Variants in KLHL1 observed in about 807,000 individuals in gnomAD.
KLHL1 encodes kelch-like protein 1.
A neutral mutation model predicts 77.7 loss-of-function variants in KLHL1; 47 were observed. That is an observed-to-expected ratio of 0.60 (90% CI 0.48 to 0.77). The LOEUF (loss-of-function observed/expected upper bound fraction) is 0.77, where lower values mean the gene tolerates loss of function less well. Ranked by LOEUF, KLHL1 falls within the 30% of genes least tolerant of loss-of-function variation. The pLI, the probability that KLHL1 is intolerant of heterozygous loss-of-function variation, is 0.00. For missense variants in KLHL1, 925 were observed against 910.8 expected (o/e 1.02, Z -0.20); for synonymous variants, 360 against 325.2 (o/e 1.11, Z -1.15).
chr13:69,710,118 G>C (rs1555299674), intron 9 of KLHL1, among the ~76,000 whole-genome samples: 1 of 151,540 alleles, frequency 6.6e-6, no homozygotes, highest in Non-Finnish European at 1.5e-5. Context: ...CATGAGAACT[G>C]AGAAAACAGC....
chr13:70,105,542 A>T (rs1454149253), intron 1 of KLHL1, among the ~76,000 whole-genome samples: 2 of 151,580 alleles, frequency 1.3e-5, no homozygotes, highest in East Asian at 3.9e-4. Flanking sequence ...TAGAGTCTCA[A>T]AACTATCAGT....
At chr13:69,840,684 T>TTATATATA (rs199637580) in intron 5 of KLHL1, among the ~76,000 whole-genome samples, 20 of 145,116 alleles carry the variant, frequency 1.4e-4, no homozygotes, top group African/African-American at 4.7e-4. Flanking sequence ...AACATTAACT[T>TTATATATA]TATATATATA....
intron 4 of KLHL1, among the ~76,000 whole-genome samples, chr13:69,888,981 G>A (rs117123158): frequency 1.3e-5 from 2 of 151,748 alleles, no homozygotes; most frequent in Admixed American, 1.3e-4. Flanking sequence ...CAAATATCAA[G>A]AGTTATAAAT....
intron 7 of KLHL1, among the ~76,000 whole-genome samples, chr13:69,745,438 C>T (rs564820393): frequency 2.6e-5 from 4 of 152,034 alleles, no homozygotes; most frequent in Non-Finnish European, 5.9e-5. Flanking sequence ...TCTTTTTCCA[C>T]TGTGAGGCTT....
In KLHL1 at chr13:69,740,550, G is replaced by C; in HGVS notation, c.1646C>G (p.Thr549Arg). The C allele has an allele frequency of 6.2e-7, 1 of 1,604,944 alleles. No individual in the cohort carries two copies. Among genetic ancestry groups the C allele is most frequent in the Non-Finnish European group, 8.5e-7 (1 of 1,173,910 alleles). Residue 549 changes from threonine (T) to arginine (R), a missense_variant, in exon 8 of 11, where the codon ACA becomes AGA. By Grantham distance (71) the Thr-to-Arg change is moderately conservative. Coordinates refer to ENST00000377844, the MANE Select transcript of KLHL1 (RefSeq NM_020866.3). Reference protein sequence around the residue: ...MSTHRHGLGVTVLEGPIYAVG... With the variant: ...MSTHRHGLGVRVLEGPIYAVG... ...AGCATAAATAGGGCCTTCAAGTACT[G>C]TTACACCTAAAATATTAGATAAATG... is the stretch of plus-strand genomic sequence containing the variant.
intron 4 of KLHL1, among the ~76,000 whole-genome samples, chr13:69,883,745 A>G (rs911871328): frequency 6.6e-6 from 1 of 152,256 alleles, no homozygotes; most frequent in Admixed American, 6.5e-5. Context: ...AGGATGGTAC[A>G]GTGTTTTAAC....
chr13:70,078,307 G>T (rs1887311532), intron 1 of KLHL1, among the ~76,000 whole-genome samples: 1 of 151,854 alleles, frequency 6.6e-6, no homozygotes, highest in South Asian at 2.1e-4. Context: ...TATTAAAAAG[G>T]TCATATTAAA....
At chr13:69,981,241 T>C (rs185671184) in intron 1 of KLHL1, among the ~76,000 whole-genome samples, 118 of 152,212 alleles carry the variant, frequency 7.8e-4, no homozygotes, top group Admixed American at 7.2e-4. Context: ...ACACTAAATA[T>C]AGTAAATAAA....
chr13:69,956,006 TA>T, intron 3 of KLHL1, among the ~76,000 whole-genome samples: 1 of 117,214 alleles, frequency 8.5e-6, no homozygotes, highest in African/African-American at 3.0e-5. Context: ...GATATATATT[TA>T]TATATATTTG....
At chr13:69,787,718 A>C (rs1876633645) in intron 7 of KLHL1, among the ~76,000 whole-genome samples, 1 of 152,116 alleles carries the variant, frequency 6.6e-6, no homozygotes, top group Non-Finnish European at 1.5e-5. Context: ...TCAGAGTGAA[A>C]AGGCAACCTA....
intron 4 of KLHL1, among the ~76,000 whole-genome samples, chr13:69,913,053 TA>T (rs1330578247): frequency 6.6e-6 from 1 of 152,190 alleles, no homozygotes; most frequent in East Asian, 1.9e-4. Flanking sequence ...CTCATGGGGA[TA>T]ATGCACTCCA....
chr13:69,904,142 A>G (rs1281652912), intron 4 of KLHL1, among the ~76,000 whole-genome samples: 1 of 112,010 alleles, frequency 8.9e-6, no homozygotes, highest in Non-Finnish European at 1.8e-5. Context: ...AAAATAATTT[A>G]ATATTTATCA....
intron 6 of KLHL1, among the ~76,000 whole-genome samples, chr13:69,808,006 T>A (rs1043579522): frequency 5.9e-5 from 9 of 152,092 alleles, no homozygotes; most frequent in African/African-American, 1.7e-4. Context: ...GGATTGTCCC[T>A]AAGGGAGGAT....
intron 6 of KLHL1, among the ~76,000 whole-genome samples, chr13:69,806,053 C>T (rs932462013): frequency 1.3e-5 from 2 of 151,892 alleles, no homozygotes. Context: ...GAAAGAAAGC[C>T]AGAAATAACC....
At chr13:69,982,676 T>C (rs1355721271) in intron 1 of KLHL1, among the ~76,000 whole-genome samples, 3 of 151,676 alleles carry the variant, frequency 2.0e-5, no homozygotes, top group African/African-American at 7.3e-5. Context: ...TTAAAAGACA[T>C]GGATTAGCTG....
chr13:70,066,422 G>C (rs1210432833), intron 1 of KLHL1, among the ~76,000 whole-genome samples: 1 of 152,114 alleles, frequency 6.6e-6, no homozygotes, highest in East Asian at 1.9e-4. Flanking sequence ...AGTGCAAATA[G>C]AATAAAAATG....
chr13:69,881,902 A>G (rs1023555095), intron 5 of KLHL1, among the ~76,000 whole-genome samples: 3 of 152,126 alleles, frequency 2.0e-5, no homozygotes, highest in African/African-American at 4.8e-5. Flanking sequence ...TGATCACATT[A>G]TTGCATCTTA....
chr13:70,075,533 T>C (rs1351203463), intron 1 of KLHL1, among the ~76,000 whole-genome samples: 1 of 131,820 alleles, frequency 7.6e-6, no homozygotes, highest in Non-Finnish European at 1.6e-5. Flanking sequence ...TACTTATATA[T>C]TGCATACATA....
chr13:69,754,252 G>C (rs973720129), intron 7 of KLHL1, among the ~76,000 whole-genome samples: 1 of 152,082 alleles, frequency 6.6e-6, no homozygotes, highest in Non-Finnish European at 1.5e-5. Flanking sequence ...CCAACTCTCT[G>C]AGAGTTGTAG....
Sources: gnomAD v4.1 joint callset for allele counts (sites outside exome capture counted in the v4.1 genomes callset) on GRCh38, gnomAD v4.1.1 for gene constraint, MANE v1.5 for transcripts, NCBI Gene and HGNC (gene_info 2026-07-23, HGNC 2026-07-21) for gene names.